The following SIPA1L1 variants were observed in gnomAD, a reference collection of about 807,000 sequenced individuals.
SIPA1L1 encodes signal-induced proliferation-associated 1-like protein 1.
SIPA1L1 carries 26 observed loss-of-function variants against 162.7 expected under a neutral mutation model. That is an observed-to-expected ratio of 0.16 (90% CI 0.12 to 0.22). SIPA1L1 has a LOEUF of 0.22. SIPA1L1 is among the 10% of genes least tolerant of loss of function. The pLI, the probability that SIPA1L1 is intolerant of heterozygous loss-of-function variation, is 1.00. For synonymous variants in SIPA1L1, 829 were observed against 837.4 expected (o/e 0.99, Z 0.17); for missense variants, 1,874 against 2,241.0 (o/e 0.84, Z 3.31).
chr14:71,723,976 G>C, intron 18 of SIPA1L1, 90 bp downstream of exon 18: 1 of 1,497,188 alleles, frequency 6.7e-7, no homozygotes, highest in South Asian at 1.2e-5. Flanking sequence ...CAACAAAAGA[G>C]GCCGGGCTAG....
chr14:71,738,890 C>T, intron 23 of SIPA1L1, 128 bp from the exon 24 acceptor site: 1 of 1,074,370 alleles, frequency 9.3e-7, no homozygotes, highest in Non-Finnish European at 1.3e-6. Flanking sequence ...TCCGTTTAGA[C>T]AGGTGTTTGG....
chr14:71,401,563 C>G (rs2041674975), intron 2 of SIPA1L1, among the ~76,000 whole-genome samples: 1 of 151,942 alleles, frequency 6.6e-6, no homozygotes, highest in African/African-American at 2.4e-5. Context: ...AGAAACATAC[C>G]TGTCCTGAAA....
At chr14:71,451,798 ATT>A (rs2141566524) in intron 2 of SIPA1L1, among the ~76,000 whole-genome samples, 1 of 152,246 alleles carries the variant, frequency 6.6e-6, no homozygotes, top group African/African-American at 2.4e-5. Flanking sequence ...CGATTTAGCC[ATT>A]TCCTGGTGTG....
chr14:71,542,749 C>CT (rs59235396), intron 4 of SIPA1L1, among the ~76,000 whole-genome samples: 1,763 of 124,030 alleles, frequency 0.014, 44 homozygotes, highest in African/African-American at 0.042. Context: ...CTCTCTCTCT[C>CT]TTTTTTTTTT....
intron 12 of SIPA1L1, among the ~76,000 whole-genome samples, chr14:71,675,630 C>G (rs1458976673): frequency 6.6e-6 from 1 of 152,216 alleles, no homozygotes; most frequent in Admixed American, 6.5e-5. Flanking sequence ...CTTCACACTC[C>G]CACTGCTGTT....
At chr14:71,720,690 T>C (rs2083646268) in intron 17 of SIPA1L1, among the ~76,000 whole-genome samples, 1 of 152,200 alleles carries the variant, frequency 6.6e-6, no homozygotes, top group Non-Finnish European at 1.5e-5. Context: ...TTGAGCTCAC[T>C]AGTTCTTCCT....
Position 71,588,593 on chromosome 14 carries a change from A to G in SIPA1L1, c.721A>G (p.Thr241Ala), listed in dbSNP as rs758171670. 3 of 1,614,076 alleles carry G rather than the reference A, an allele frequency of 1.9e-6. No homozygotes were observed. Among genetic ancestry groups the G allele is most frequent in the African/African-American group, 1.3e-5 (1 of 75,036 alleles). ...CAAATCTGATCGAGGTCCAACTCCA[A>G]CCAAGCTCAGTGACTTTCTCATTAC... is the stretch of plus-strand genomic sequence containing the variant. ...DDKSDRGPTP[T>A]KLSDFLITGG... Residue 241 changes from threonine to alanine, a missense_variant, in exon 5 of 24, where the codon ACC (threonine) becomes GCC (alanine). This residue lies in a region of SIPA1L1 where 685 missense variants were observed against 828.0 expected (regional missense o/e 0.83). Transcript: ENST00000381232. The surrounding 1 kb of genome is among the most constrained non-coding windows in gnomAD (Gnocchi z 4.3).
At chr14:71,559,945 T>G (rs1010325809) in intron 4 of SIPA1L1, among the ~76,000 whole-genome samples, 1 of 152,156 alleles carries the variant, frequency 6.6e-6, no homozygotes, top group Admixed American at 6.5e-5. Flanking sequence ...ACTTTTTCAT[T>G]AACACACTAA....
intron 17 of SIPA1L1, among the ~76,000 whole-genome samples, chr14:71,714,073 C>A (rs767128850): frequency 2.6e-5 from 4 of 152,136 alleles, no homozygotes; most frequent in Non-Finnish European, 5.9e-5. Context: ...GGGTATGGAT[C>A]ATTTTAATTG....
intron 2 of SIPA1L1, among the ~76,000 whole-genome samples, chr14:71,404,839 G>A (rs1327047013): frequency 1.3e-5 from 2 of 152,154 alleles, no homozygotes; most frequent in African/African-American, 4.8e-5. Context: ...TGATTCTGGG[G>A]TTTGAATTTA....
chr14:71,610,875 T>A (rs2038132811), intron 5 of SIPA1L1, among the ~76,000 whole-genome samples: 2 of 152,218 alleles, frequency 1.3e-5, no homozygotes, highest in Non-Finnish European at 2.9e-5. Context: ...CCCCACTTTT[T>A]AAGTGTTACC....
At chr14:71,618,704 T>C in intron 5 of SIPA1L1, 53 bp from the exon 6 acceptor site, 1 of 1,546,914 alleles carries the variant, frequency 6.5e-7, no homozygotes, top group Non-Finnish European at 8.8e-7. Flanking sequence ...AATGTAACAT[T>C]TTCAAAGTGT....
chr14:71,582,434 C>G (rs1340078636), intron 4 of SIPA1L1, among the ~76,000 whole-genome samples: 6 of 152,156 alleles, frequency 3.9e-5, no homozygotes, highest in Admixed American at 1.3e-4. Flanking sequence ...CTTTTGTGTT[C>G]TTTCCTTCAC....
chr14:71,691,633 C>G (rs1451304388), intron 13 of SIPA1L1, among the ~76,000 whole-genome samples: 1 of 152,040 alleles, frequency 6.6e-6, no homozygotes, highest in Admixed American at 6.5e-5. Context: ...TTTCCCTTTT[C>G]CCCTATCATC....
At chr14:71,492,886 A>G (rs2049401705) in intron 2 of SIPA1L1, among the ~76,000 whole-genome samples, 1 of 151,876 alleles carries the variant, frequency 6.6e-6, no homozygotes, top group East Asian at 1.9e-4. Context: ...GTGGCCTCCC[A>G]AAGTGCTGGG....
intron 2 of SIPA1L1, among the ~76,000 whole-genome samples, chr14:71,398,893 A>G (rs1347317807): frequency 6.6e-6 from 1 of 152,250 alleles, no homozygotes; most frequent in Non-Finnish European, 1.5e-5. Context: ...TTGGAGCTCC[A>G]CAGCTTTTTG....
In SIPA1L1 at chr14:71,618,502, A is replaced by G. The variant is rs2039073668; in HGVS notation, c.1499-255A>G. On this transcript the variant is annotated intron_variant, in intron 5 of 23. Transcript: ENST00000381232. Reference sequence around the variant, plus strand: ...GGAGAAAATACAAATTTATTTTGAGAAATAGTAGAGTAGTAATCTGTAGAG... The same window carrying G: ...GGAGAAAATACAAATTTATTTTGAGGAATAGTAGAGTAGTAATCTGTAGAG... Among the ~76,000 whole-genome samples, 3 of 152,320 alleles carry G rather than the reference A, an allele frequency of 2.0e-5. No homozygotes were observed. The South Asian group carries it at 6.2e-4, about 32-fold the overall frequency.
intron 2 of SIPA1L1, among the ~76,000 whole-genome samples, chr14:71,410,559 A>G (rs2042332419): frequency 1.3e-5 from 2 of 152,312 alleles, no homozygotes; most frequent in South Asian, 2.1e-4. Flanking sequence ...TATTTGTAGT[A>G]TACTTACCAG....
chr14:71,702,647 G>A (rs564199572), intron 15 of SIPA1L1, 142 bp downstream of exon 15: 32 of 766,068 alleles, frequency 4.2e-5, no homozygotes, highest in African/African-American at 1.6e-4. Context: ...GTTAGATTAT[G>A]TATAAGTGAA....
Sources: gnomAD v4.1 joint callset for allele counts (sites outside exome capture counted in the v4.1 genomes callset) on GRCh38, gnomAD v4.1.1 for gene constraint, gnomAD v4.1.1 regional missense constraint, Gnocchi (gnomAD v3.1) non-coding constraint, MANE v1.5 for transcripts, NCBI Gene and HGNC (gene_info 2026-07-23, HGNC 2026-07-21) for gene names.